PCDHB6: variants seen among roughly 807,000 people sequenced by gnomAD.
PCDHB6 encodes protocadherin beta 6, also known as protocadherin beta-6.
For missense variants in PCDHB6, 1,137 were observed against 1,010.1 expected, an observed-to-expected ratio of 1.13 and a Z score of -1.70; for synonymous variants, 506 against 459.0, an observed-to-expected ratio of 1.10 and a Z score of -1.31.
Position 141,152,244 on chromosome 5 carries a change from G to C in PCDHB6, c.1987G>C (p.Gly663Arg), listed in dbSNP as rs782810463. The C allele has an allele frequency of 1.8e-5, 29 of 1,607,270 alleles. No homozygotes were observed. The highest frequency in any genetic ancestry group is 2.4e-5 in the Non-Finnish European group (28 of 1,179,764). ...TATLHVLLVD[G>R]FSQPYLPLPE... is the part of the protein sequence containing the mutation. The stretch of plus-strand genomic sequence containing the variant: ...CACGCTGCACGTGCTCCTGGTGGAC[G>C]GCTTCTCCCAGCCCTACCTGCCTCT... The change falls in exon 1 of 1, where the codon GGC becomes CGC. Residue 663 changes from glycine to arginine, a missense_variant. Coordinates refer to ENST00000231136, the MANE Select transcript of PCDHB6 (RefSeq NM_018939.4).
rs781898001 is a variant in PCDHB6, at chr5:141,152,472, G to C, written c.2215G>C (p.Gly739Arg). The C allele has an allele frequency of 3.1e-6, 5 of 1,614,062 alleles. No individual in the cohort carries two copies. In the Admixed American group the frequency reaches 8.3e-5, roughly 27 times the overall value. ...PFPGHLVDVS[G>R]TGTLSQSYQY... is the part of the protein sequence containing the mutation. ...TCCAGGGCATCTGGTGGATGTGAGC[G>C]GCACCGGGACCCTATCCCAGAGCTA... The change falls in exon 1 of 1, where the codon GGC becomes CGC. Residue 739 changes from glycine to arginine, a missense_variant. By Grantham distance (125) the Gly-to-Arg change is moderately radical. Transcript: ENST00000231136.
chr5:141,150,618 C>A lies in PCDHB6; in HGVS notation c.361C>A (p.Arg121=), dbSNP rs144886449. ...CTTGCAGTTTTTTCAGGCTTCCTTG[C>A]GAGTCAGAGATATAAATGACCACGC... ...NPLQFFQASL[R]VRDINDHAPE... The change falls in exon 1 of 1, where the codon CGA becomes AGA. Residue 121 remains arginine, a synonymous_variant. Transcript: ENST00000231136. 6.8e-6 allele frequency: 11 copies of A among 1,613,910 alleles called. No individual in the cohort carries two copies. The highest frequency in any genetic ancestry group is 2.7e-5 in the African/African-American group (2 of 74,874).
chr5:141,152,317 A>G lies in PCDHB6; in HGVS notation c.2060A>G (p.Tyr687Cys). The G allele has an allele frequency of 3.1e-6, 5 of 1,607,344 alleles. No individual in the cohort carries two copies. Among genetic ancestry groups the G allele is most frequent in the Non-Finnish European group, 3.4e-6 (4 of 1,179,382 alleles). ...GCCCAGGCCGACTCTCTCACCGTCT[A>G]CCTGGTGGTGGCGTTGGCCTCGGTG... ...AQAQADSLTV[Y>C]LVVALASVSS... The change falls in exon 1 of 1, where the codon TAC (tyrosine) becomes TGC (cysteine). Residue 687 changes from tyrosine (Y) to cysteine (C), a missense_variant. Transcript: ENST00000231136.
At position 141,151,281 on chromosome 5, in the gene PCDHB6, GC is replaced by G. The variant is rs782430920; in HGVS notation, c.1028del (p.Pro343LeufsTer41). The part of the protein sequence containing the change: ...VVRVLDVNDN[A>X]PELTMSFFIS... ...CAGGGTCCTGGACGTGAATGACAAT[GC>G]CCCTGAACTCACCATGTCGTTCTTC... is the stretch of plus-strand genomic sequence containing the variant. On this transcript the variant is annotated frameshift_variant, in exon 1 of 1. Transcript: ENST00000231136. LOFTEE classifies it low-confidence loss of function (END_TRUNC). 4 of 1,614,000 alleles carry G rather than the reference GC, an allele frequency of 2.5e-6. No homozygotes were observed. Among genetic ancestry groups the G allele is most frequent in the Non-Finnish European group, 3.4e-6 (4 of 1,180,036 alleles).
Position 141,151,889 on chromosome 5 carries a change from G to C in PCDHB6, c.1632G>C (p.Leu544=). The change falls in exon 1 of 1, where the codon CTG becomes CTC. Residue 544 remains leucine (L), a synonymous_variant. Coordinates refer to ENST00000231136, the MANE Select transcript of PCDHB6 (RefSeq NM_018939.4). The part of the protein sequence containing the change: ...RGSPALSSEA[L]VRLLVLDAND... ...CCCCGGCGTTGAGCAGCGAGGCGCT[G>C]GTGCGCTTGCTGGTGCTGGACGCCA... 1 of 1,611,930 alleles carries C rather than the reference G, an allele frequency of 6.2e-7. No individual in the cohort carries two copies. Among genetic ancestry groups the C allele is most frequent in the Admixed American group, 1.7e-5 (1 of 60,002 alleles).
At position 141,150,412 on chromosome 5, in the gene PCDHB6, G is replaced by A; in HGVS notation, c.155G>A (p.Gly52Glu). 6.2e-7 allele frequency: 1 copy of A among 1,614,124 alleles called. No individual in the cohort carries two copies. The highest frequency in any genetic ancestry group is 1.6e-4 in the Middle Eastern group (1 of 6,062). The stretch of plus-strand genomic sequence containing the variant: ...GTGGCCAACTTGACAAAGGACCTGG[G>A]ACTGAGGGTGGGGGAGCTGGCTTCG... ...TFVANLTKDL[G>E]LRVGELASRG... Residue 52 changes from glycine to glutamate, a missense_variant, in exon 1 of 1, where the codon GGA (glycine) becomes GAA (glutamate). Gly to Glu is a moderately conservative substitution (Grantham distance 98, BLOSUM62 -2). Coordinates refer to ENST00000231136, the MANE Select transcript of PCDHB6 (RefSeq NM_018939.4).
In PCDHB6 at chr5:141,151,800, A is replaced by C. The variant is rs1752877466; in HGVS notation, c.1543A>C (p.Arg515=). Residue 515 remains arginine (R), a synonymous_variant, in exon 1 of 1, where the codon AGG becomes CGG. Coordinates refer to ENST00000231136, the MANE Select transcript of PCDHB6 (RefSeq NM_018939.4). ...GGACAACGGCCACCTGTTTGCCCTC[A>C]GGTCGCTGGACTACGAGGCCCTGCA... The part of the protein sequence containing the change: ...NADNGHLFAL[R]SLDYEALQSF... 16 of 1,613,012 alleles carry C rather than the reference A, an allele frequency of 9.9e-6. No homozygotes were observed. Among genetic ancestry groups the C allele is most frequent in the Non-Finnish European group, 1.4e-5 (16 of 1,179,934 alleles).
At position 141,152,329 on chromosome 5, in the gene PCDHB6, C is replaced by A. The variant is rs1554278000; in HGVS notation, c.2072C>A (p.Ala691Glu). ...TCTCTCACCGTCTACCTGGTGGTGGCGTTGGCCTCGGTGTCGTCGCTCTTC... is the reference window on the plus strand; with the variant it reads ...TCTCTCACCGTCTACCTGGTGGTGGAGTTGGCCTCGGTGTCGTCGCTCTTC... ...ADSLTVYLVV[A>E]LASVSSLFLF... The change falls in exon 1 of 1, where the codon GCG becomes GAG. Residue 691 changes from alanine to glutamate, a missense_variant. Physicochemically the swap from Ala to Glu is moderately radical, Grantham distance 107. Coordinates refer to ENST00000231136, the MANE Select transcript of PCDHB6 (RefSeq NM_018939.4). 7.5e-6 allele frequency: 12 copies of A among 1,609,340 alleles called. No individual in the cohort carries two copies. The East Asian group carries it at 8.9e-5, about 12-fold the overall frequency.
rs782073624 is a variant in PCDHB6 at position 141,152,060 on chromosome 5, G to A, written c.1803G>A (p.Ser601=). The change falls in exon 1 of 1, where the codon TCG becomes TCA. Residue 601 remains serine (S), a synonymous_variant. Transcript: ENST00000231136. The part of the protein sequence containing the change: ...DGDSGQNAWL[S]YQLLKATELG... ...ACTCGGGCCAGAACGCCTGGCTGTC[G>A]TACCAGCTGCTCAAGGCCACGGAGC... The A allele has an allele frequency of 6.2e-7, 1 of 1,607,102 alleles. No homozygotes were observed. Among genetic ancestry groups the A allele is most frequent in the South Asian group, 1.1e-5 (1 of 90,950 alleles).
At position 141,151,228 on chromosome 5, in the gene PCDHB6, G is replaced by A. The variant is rs782063728; in HGVS notation, c.971G>A (p.Gly324Asp). Reference protein sequence around the residue: ...DVDVEATDGGGLSGKCSLVVR... With the variant: ...DVDVEATDGGDLSGKCSLVVR... ...GATGTTGAGGCTACAGATGGTGGAG[G>A]CCTATCAGGAAAATGCTCTTTAGTC... The change falls in exon 1 of 1, where the codon GGC becomes GAC. Residue 324 changes from glycine (G) to aspartate (D), a missense_variant. Coordinates refer to ENST00000231136, the MANE Select transcript of PCDHB6 (RefSeq NM_018939.4). 3.7e-6 allele frequency: 6 copies of A among 1,614,140 alleles called. No homozygotes were observed. Among genetic ancestry groups the A allele is most frequent in the South Asian group, 3.3e-5 (3 of 91,066 alleles).
rs782616880 is a variant in PCDHB6, at chr5:141,150,735, G to A, written c.478G>A (p.Asp160Asn). 9 of 1,614,072 alleles carry A rather than the reference G, an allele frequency of 5.6e-6. No homozygotes were observed. Among genetic ancestry groups the A allele is most frequent in the Admixed American group, 1.7e-5 (1 of 60,008 alleles). The change falls in exon 1 of 1, where the codon GAC (aspartate) becomes AAC (asparagine). Residue 160 changes from aspartate to asparagine, a missense_variant. By Grantham distance (23) the Asp-to-Asn change is conservative (BLOSUM62 1). Coordinates refer to ENST00000231136, the MANE Select transcript of PCDHB6 (RefSeq NM_018939.4). ...IFPLKMAHDLDTGSNGLQRYT... is the reference protein window; with the variant it reads ...IFPLKMAHDLNTGSNGLQRYT... ...TCCTTTGAAAATGGCACACGATTTA[G>A]ACACCGGCAGCAACGGCCTTCAGAG...
At position 141,151,348 on chromosome 5, in the gene PCDHB6, C is replaced by T; in HGVS notation, c.1091C>T (p.Ala364Val). 3 of 1,614,136 alleles carry T rather than the reference C, an allele frequency of 1.9e-6. No homozygotes were observed. Among genetic ancestry groups the T allele is most frequent in the Non-Finnish European group, 2.5e-6 (3 of 1,180,030 alleles). Residue 364 changes from alanine to valine, a missense_variant, in exon 1 of 1, where the codon GCA (alanine) becomes GTA (valine). By Grantham distance (64) the Ala-to-Val change is moderately conservative (BLOSUM62 0). Transcript: ENST00000231136. ...GAAAACTTACCAGAGATCACAGTGG[C>T]AGTTTTCAGTGTTTCAGATGCAGAC... ...IPENLPEITV[A>V]VFSVSDADSG...
At position 141,151,858 on chromosome 5, in the gene PCDHB6, G is replaced by T; in HGVS notation, c.1601G>T (p.Arg534Leu). The T allele has an allele frequency of 6.8e-6, 11 of 1,612,370 alleles. No homozygotes were observed. Among genetic ancestry groups the T allele is most frequent in the Non-Finnish European group, 9.3e-6 (11 of 1,179,850 alleles). Residue 534 changes from arginine (R) to leucine (L), a missense_variant, in exon 1 of 1, where the codon CGC (arginine) becomes CTC (leucine). Arg to Leu is a moderately radical substitution (Grantham distance 102). Transcript: ENST00000231136. Reference sequence around the variant, plus strand: ...GAGTTCCGCGTGGGCGCCACAGACCGCGGCTCCCCGGCGTTGAGCAGCGAG... The same window carrying T: ...GAGTTCCGCGTGGGCGCCACAGACCTCGGCTCCCCGGCGTTGAGCAGCGAG... ...SFEFRVGATD[R>L]GSPALSSEAL...
At position 141,151,493 on chromosome 5, in the gene PCDHB6, A is replaced by G. The variant is rs1752862125; in HGVS notation, c.1236A>G (p.Arg412=). The G allele has an allele frequency of 6.2e-7, 1 of 1,614,198 alleles. No individual in the cohort carries two copies. The highest frequency in any genetic ancestry group is 1.6e-4 in the Middle Eastern group (1 of 6,062). The stretch of plus-strand genomic sequence containing the variant: ...AAGGCGCGCTGGACAGAGAGAGCAG[A>G]GCCGAGTACAACATCACTATCACGG... The part of the protein sequence containing the change: ...VTEGALDRES[R]AEYNITITVT... Residue 412 remains arginine (R), a synonymous_variant, in exon 1 of 1, where the codon AGA becomes AGG. Transcript: ENST00000231136.
In PCDHB6 at chr5:141,151,254, G is replaced by A. The variant is rs782583638; in HGVS notation, c.997G>A (p.Val333Ile). The change falls in exon 1 of 1, where the codon GTC becomes ATC. Residue 333 changes from valine to isoleucine, a missense_variant. Physicochemically the swap from Val to Ile is conservative, Grantham distance 29. Transcript: ENST00000231136. ...GGLSGKCSLVVRVLDVNDNAP... is the reference protein window; with the variant it reads ...GGLSGKCSLVIRVLDVNDNAP... ...CCTATCAGGAAAATGCTCTTTAGTC[G>A]TCAGGGTCCTGGACGTGAATGACAA... 1.9e-6 allele frequency: 3 copies of A among 1,614,130 alleles called. No homozygotes were observed. Among genetic ancestry groups the A allele is most frequent in the Non-Finnish European group, 2.5e-6 (3 of 1,180,042 alleles).
In PCDHB6 at chr5:141,151,496, C is replaced by G. The variant is rs782370478; in HGVS notation, c.1239C>G (p.Ala413=). ...TEGALDRESR[A]EYNITITVTD... ...GCGCGCTGGACAGAGAGAGCAGAGC[C>G]GAGTACAACATCACTATCACGGTCA... The change falls in exon 1 of 1, where the codon GCC becomes GCG. Residue 413 remains alanine (A), a synonymous_variant. Coordinates refer to ENST00000231136, the MANE Select transcript of PCDHB6 (RefSeq NM_018939.4). The G allele has an allele frequency of 1.9e-6, 3 of 1,614,104 alleles. No individual in the cohort carries two copies. Among genetic ancestry groups the G allele is most frequent in the Admixed American group, 3.3e-5 (2 of 60,016 alleles).
In PCDHB6 at chr5:141,152,090, T is replaced by G. The variant is rs559357079; in HGVS notation, c.1833T>G (p.Gly611=). The stretch of plus-strand genomic sequence containing the variant: ...AGCTGCTCAAGGCCACGGAGCTCGG[T>G]CTGTTCGGCGTGTGGGCGCACAATG... ...SYQLLKATEL[G]LFGVWAHNGE... The change falls in exon 1 of 1, where the codon GGT becomes GGG. Residue 611 remains glycine (G), a synonymous_variant. Coordinates refer to ENST00000231136, the MANE Select transcript of PCDHB6 (RefSeq NM_018939.4). The G allele has an allele frequency of 3.3e-4, 527 of 1,606,224 alleles. 1 individual carries two copies. The highest frequency in any genetic ancestry group is 6.4e-4 in the African/African-American group (48 of 74,834).
Position 141,151,250 on chromosome 5 carries a change from AGTC to A in PCDHB6, c.997_999del (p.Val333del), listed in dbSNP as rs1752852714. The A allele has an allele frequency of 6.2e-7, 1 of 1,614,150 alleles. No individual in the cohort carries two copies. The highest frequency in any genetic ancestry group is 8.5e-7 in the Non-Finnish European group (1 of 1,180,034). On this transcript the variant is annotated inframe_deletion, in exon 1 of 1. Coordinates refer to ENST00000231136, the MANE Select transcript of PCDHB6 (RefSeq NM_018939.4). ...GAGGCCTATCAGGAAAATGCTCTTT[AGTC>A]GTCAGGGTCCTGGACGTGAATGACA...
Position 141,152,386 on chromosome 5 carries a change from G to T in PCDHB6, c.2129G>T (p.Arg710Leu). Residue 710 changes from arginine (R) to leucine (L), a missense_variant, in exon 1 of 1, where the codon CGG becomes CTG. Transcript: ENST00000231136. ...LFSVLLFVAV[R>L]LCRRSRAASV... Reference sequence around the variant, plus strand: ...TCGGTGCTCCTGTTCGTGGCGGTGCGGCTGTGCAGGAGGAGCAGGGCGGCC... The same window carrying T: ...TCGGTGCTCCTGTTCGTGGCGGTGCTGCTGTGCAGGAGGAGCAGGGCGGCC... 6.2e-7 allele frequency: 1 copy of T among 1,612,550 alleles called. No homozygotes were observed. Among genetic ancestry groups the T allele is most frequent in the Admixed American group, 1.7e-5 (1 of 60,018 alleles).
Sources: allele counts gnomAD v4.1 joint callset, GRCh38; gene constraint gnomAD v4.1.1; transcripts MANE v1.5; gene names NCBI Gene and HGNC (gene_info 2026-07-23, HGNC 2026-07-21).